The following PRKCB variants were observed in gnomAD, a reference collection of about 807,000 sequenced individuals.
PRKCB encodes the protein protein kinase C beta.
A neutral mutation model predicts 81.5 loss-of-function variants in PRKCB; 13 were observed. The observed-to-expected ratio is 0.16, with a 90% CI of 0.10 to 0.25. The LOEUF is 0.25. Among genes scored for constraint, PRKCB ranks in the 10% least tolerant of loss-of-function variants. PRKCB has a pLI of 1.00. For synonymous variants in PRKCB, 335 were observed against 321.4 expected, an observed-to-expected ratio of 1.04 and a Z score of -0.45; for missense variants, 509 against 875.7, an observed-to-expected ratio of 0.58 and a Z score of 5.29.
chr16:23,901,279 A>G (rs1963467996), intron 2 of PRKCB, among the ~76,000 whole-genome samples: 1 of 151,800 alleles, frequency 6.6e-6, no homozygotes, highest in Non-Finnish European at 1.5e-5. Context: ...GATCGATCAT[A>G]CCCACCCCCT....
rs754150000 is a variant in PRKCB at position 24,180,948 on chromosome 16, C to T, written c.1533+20C>T. On this transcript the variant is annotated intron_variant, in intron 13 of 16. Coordinates refer to ENST00000643927, the MANE Select transcript of PRKCB (RefSeq NM_002738.7). ...CCCGAGGTGAGAGCTGCTGGGCACA[C>T]GTTCACATTGCGGTGATGTACCCTC... The T allele has an allele frequency of 1.6e-5, 25 of 1,612,112 alleles. No individual in the cohort carries two copies. The highest frequency in any genetic ancestry group is 1.3e-4 in the East Asian group (6 of 44,882).
Position 23,985,032 on chromosome 16 carries a change from A to T in PRKCB, c.206-3476A>T, listed in dbSNP as rs374611045. ...CCACAAAAGCTATTTGAGTTTTTTTAAAAAATGCTTTAAAATAAATATGCT... is the reference window on the plus strand; with the variant it reads ...CCACAAAAGCTATTTGAGTTTTTTTTAAAAATGCTTTAAAATAAATATGCT... On this transcript the variant is annotated intron_variant, in intron 2 of 16. Transcript: ENST00000643927. 1.0e-3 allele frequency among the ~76,000 whole-genome samples: 158 copies of T among 152,330 alleles called. 1 individual carries two copies. Among genetic ancestry groups the T allele is most frequent in the Middle Eastern group, 3.4e-3 (1 of 294 alleles).
intron 3 of PRKCB, among the ~76,000 whole-genome samples, chr16:23,996,026 C>T (rs922129940): frequency 6.6e-6 from 1 of 151,802 alleles, no homozygotes; most frequent in South Asian, 2.1e-4. Context: ...GGAGAAGTGG[C>T]CATACATGTG....
intron 2 of PRKCB, among the ~76,000 whole-genome samples, chr16:23,850,637 T>A (rs1422630554): frequency 6.6e-6 from 1 of 152,204 alleles, no homozygotes; most frequent in African/African-American, 2.4e-5. Flanking sequence ...AGTGCTGGAA[T>A]TACAGGTGTC....
chr16:24,189,883 A>G (rs1002131464), intron 15 of PRKCB, among the ~76,000 whole-genome samples: 1 of 152,128 alleles, frequency 6.6e-6, no homozygotes, highest in Non-Finnish European at 1.5e-5. Flanking sequence ...TGGGCTTCTC[A>G]ATGTGATGTC....
intron 2 of PRKCB, among the ~76,000 whole-genome samples, chr16:23,890,281 T>C (rs1963272714): frequency 6.6e-6 from 1 of 152,166 alleles, no homozygotes; most frequent in South Asian, 2.1e-4. Flanking sequence ...GCAAACCTCT[T>C]AATACCCTTA....
At chr16:24,174,852 A>G in intron 12 of PRKCB, 1 of 373,430 alleles carries the variant, frequency 2.7e-6, no homozygotes, top group East Asian at 4.1e-5. Flanking sequence ...GAGGAGACTC[A>G]CAGAGAGGAC....
At chr16:23,958,957 A>C (rs1384990582) in intron 2 of PRKCB, among the ~76,000 whole-genome samples, 1 of 152,058 alleles carries the variant, frequency 6.6e-6, no homozygotes, top group Non-Finnish European at 1.5e-5. Context: ...TTTTACACTT[A>C]ATACTGTAGG....
At chr16:24,198,048 A>T (rs1466999419) in intron 16 of PRKCB, among the ~76,000 whole-genome samples, 1 of 152,088 alleles carries the variant, frequency 6.6e-6, no homozygotes, top group Non-Finnish European at 1.5e-5. Context: ...GTGATATCGG[A>T]GGGTGCAGTG....
chr16:23,942,991 C>A (rs578102713), intron 2 of PRKCB, among the ~76,000 whole-genome samples: 11 of 152,104 alleles, frequency 7.2e-5, no homozygotes, highest in Non-Finnish European at 4.4e-5. Context: ...CACTCCCCTC[C>A]GGAGCATCCA....
chr16:24,065,666 A>G (rs999380110), intron 5 of PRKCB, among the ~76,000 whole-genome samples: 2 of 152,100 alleles, frequency 1.3e-5, no homozygotes, highest in African/African-American at 4.8e-5. Context: ...CTCTCTAAAG[A>G]ACGTCTTTTA....
At chr16:23,888,530 T>A (rs1371069916) in intron 2 of PRKCB, among the ~76,000 whole-genome samples, 1 of 152,162 alleles carries the variant, frequency 6.6e-6, no homozygotes, top group South Asian at 2.1e-4. Flanking sequence ...AAAGGGTGCT[T>A]GGTAACCATT....
chr16:24,059,924 G>A (rs552783425), intron 5 of PRKCB, among the ~76,000 whole-genome samples: 2 of 152,156 alleles, frequency 1.3e-5, no homozygotes, highest in Non-Finnish European at 2.9e-5. Context: ...GCAGGATGCC[G>A]GAAAGCCTGG....
intron 3 of PRKCB, among the ~76,000 whole-genome samples, chr16:24,009,811 T>A (rs1965177906): frequency 6.6e-6 from 1 of 151,896 alleles, no homozygotes; most frequent in South Asian, 2.1e-4. Flanking sequence ...GGTCAGGAGT[T>A]TGAGACCAGC....
Position 23,859,130 on chromosome 16 carries a change from T to C in PRKCB, c.205+21724T>C, listed in dbSNP as rs1231012920. On this transcript the variant is annotated intron_variant, in intron 2 of 16. Transcript: ENST00000643927. ...CTGGGTGACAGAGTGAGACCCTCTC[T>C]CTAAACAAACAAATCCCAGGAGACA... is the stretch of plus-strand genomic sequence containing the variant. Among the ~76,000 whole-genome samples, 4 of 152,242 alleles carry C rather than the reference T, an allele frequency of 2.6e-5. No homozygotes were observed. The East Asian group carries it at 7.7e-4, about 29-fold the overall frequency.
At chr16:23,889,134 CCA>C (rs1963250573) in intron 2 of PRKCB, among the ~76,000 whole-genome samples, 1 of 137,034 alleles carries the variant, frequency 7.3e-6, no homozygotes, top group Non-Finnish European at 1.5e-5. Flanking sequence ...ATCCATCCAT[CCA>C]TCCATCCATC....
intron 10 of PRKCB, among the ~76,000 whole-genome samples, chr16:24,167,053 C>T (rs1357335726): frequency 1.3e-5 from 2 of 151,778 alleles, no homozygotes; most frequent in Admixed American, 6.6e-5. Context: ...ATGCCATCTG[C>T]TAGCTTTAAA....
chr16:24,023,109 G>A (rs951626217), intron 3 of PRKCB, among the ~76,000 whole-genome samples: 18 of 152,234 alleles, frequency 1.2e-4, no homozygotes, highest in Non-Finnish European at 2.1e-4. Flanking sequence ...CTCTGTCACT[G>A]GAGTGCAGTG....
At chr16:23,966,732 G>A (rs150091763) in intron 2 of PRKCB, among the ~76,000 whole-genome samples, 4 of 152,242 alleles carry the variant, frequency 2.6e-5, no homozygotes, top group African/African-American at 9.6e-5. Flanking sequence ...AGAATGCAAG[G>A]CTGTCTGAAA....
Sources: gnomAD v4.1 joint callset for allele counts (sites outside exome capture counted in the v4.1 genomes callset) on GRCh38, gnomAD v4.1.1 for gene constraint, MANE v1.5 for transcripts, NCBI Gene and HGNC (gene_info 2026-07-23, HGNC 2026-07-21) for gene names.